Variants in CNTNAP5 observed in about 807,000 individuals in gnomAD.
CNTNAP5 encodes contactin-associated protein-like 5.
Under a neutral mutation model 150.2 loss-of-function variants are expected in CNTNAP5, and 72 were observed. That is an observed-to-expected ratio of 0.48 (90% CI 0.40 to 0.58). The LOEUF is 0.58. Among genes scored for constraint, CNTNAP5 ranks in the 20% least tolerant of loss-of-function variants. CNTNAP5 has a pLI of 0.00. For missense variants in CNTNAP5, 1,636 were observed against 1,626.2 expected, an observed-to-expected ratio of 1.01 and a Z score of -0.10; for synonymous variants, 672 against 619.8, an observed-to-expected ratio of 1.08 and a Z score of -1.25.
intron 13 of CNTNAP5, among the ~76,000 whole-genome samples, chr2:124,677,230 A>C (rs1302610744): frequency 6.6e-6 from 1 of 152,118 alleles, no homozygotes; most frequent in Non-Finnish European, 1.5e-5. Flanking sequence ...ACAGCTCTTA[A>C]AGGTGGCGCG....
At chr2:124,127,120 G>A (rs1683725393) in intron 1 of CNTNAP5, among the ~76,000 whole-genome samples, 1 of 152,172 alleles carries the variant, frequency 6.6e-6, no homozygotes, top group East Asian at 1.9e-4. Context: ...CAGTCAAATT[G>A]TCCCTGTTTG....
Position 124,434,561 on chromosome 2 carries a change from G to C in CNTNAP5, c.607G>C (p.Asp203His). 1 of 1,614,010 alleles carries C rather than the reference G, an allele frequency of 6.2e-7. No individual in the cohort carries two copies. Among genetic ancestry groups the C allele is most frequent in the Non-Finnish European group, 8.5e-7 (1 of 1,179,860 alleles). The change falls in exon 5 of 24, where the codon GAT becomes CAT. Residue 203 changes from aspartate (D) to histidine (H), a missense_variant. Transcript: ENST00000682447. ...TCAGAAGTTGATGAGTACTCTCAAA[G>C]ATGTGATCTCCCTGAAGTTCAAGAG... ...FNQKLMSTLK[D>H]VISLKFKSMQ...
At chr2:124,265,181 G>A (rs1687572862) in intron 3 of CNTNAP5, among the ~76,000 whole-genome samples, 1 of 152,142 alleles carries the variant, frequency 6.6e-6, no homozygotes, top group African/African-American at 2.4e-5. Context: ...CCCCACCTAG[G>A]TGCACAAGGA....
At chr2:124,865,283 A>G (rs1316567885) in intron 19 of CNTNAP5, 23 bp from the exon 20 acceptor site, 1 of 1,542,474 alleles carries the variant, frequency 6.5e-7, no homozygotes, top group Non-Finnish European at 8.8e-7. Flanking sequence ...TTATATTCTA[A>G]TTTCTAATAT....
chr2:124,616,504 A>C (rs1029567804), intron 12 of CNTNAP5, among the ~76,000 whole-genome samples: 1 of 152,296 alleles, frequency 6.6e-6, no homozygotes, highest in East Asian at 1.9e-4. Flanking sequence ...TCTATTCAGC[A>C]GCTAAAATTT....
rs577684300 is a variant in CNTNAP5 at position 124,126,513 on chromosome 2, T to A, written c.83-95192T>A. Among the ~76,000 whole-genome samples the A allele has an allele frequency of 2.3e-3, 354 of 152,302 alleles. 2 individuals carry two copies. The highest frequency in any genetic ancestry group is 8.0e-3 in the African/African-American group (332 of 41,568). On this transcript the variant is annotated intron_variant, in intron 1 of 23. Transcript: ENST00000682447. ...GAGCTGGTACCATTCCTTCTGAAAC[T>A]ATTCCACTCAATAGAAAAAGAGGGA... is the stretch of plus-strand genomic sequence containing the variant.
At chr2:124,790,325 A>G in intron 18 of CNTNAP5, among the ~76,000 whole-genome samples, 184 bp downstream of exon 18, 1 of 152,212 alleles carries the variant, frequency 6.6e-6, no homozygotes, top group Non-Finnish European at 1.5e-5. Context: ...TTCACTGGCA[A>G]TGTAACTGAA....
chr2:124,798,378 A>C, intron 19 of CNTNAP5, 58 bp downstream of exon 19: 2 of 1,232,544 alleles, frequency 1.6e-6, no homozygotes, highest in Middle Eastern at 1.9e-4. Context: ...GGGACGGTGC[A>C]TGCCCTCCAG....
intron 12 of CNTNAP5, among the ~76,000 whole-genome samples, chr2:124,625,585 T>C (rs1677704777): frequency 6.6e-6 from 1 of 152,190 alleles, no homozygotes; most frequent in African/African-American, 2.4e-5. Flanking sequence ...CCCATCCTTA[T>C]GTATCTCCCC....
chr2:124,885,691 A>G (rs923209861), intron 21 of CNTNAP5, among the ~76,000 whole-genome samples: 1 of 151,820 alleles, frequency 6.6e-6, no homozygotes, highest in Non-Finnish European at 1.5e-5. Flanking sequence ...CCTATTTGAG[A>G]TATTTCCTAT....
chr2:124,641,235 C>A (rs555425071), intron 12 of CNTNAP5, among the ~76,000 whole-genome samples: 2 of 151,504 alleles, frequency 1.3e-5, no homozygotes, highest in African/African-American at 4.8e-5. Context: ...TTTATGACAA[C>A]ACTGCACAAT....
intron 19 of CNTNAP5, among the ~76,000 whole-genome samples, chr2:124,843,924 T>C (rs1242197656): frequency 3.3e-5 from 5 of 152,166 alleles, no homozygotes; most frequent in Non-Finnish European, 7.4e-5. Context: ...TTCAGATGTA[T>C]AGATTGTGAA....
intron 1 of CNTNAP5, among the ~76,000 whole-genome samples, chr2:124,120,745 G>T (rs1302783689): frequency 2.6e-5 from 4 of 152,158 alleles, no homozygotes; most frequent in African/African-American, 9.7e-5. Context: ...AGTGTAGTGT[G>T]CTTGAAAGAG....
chr2:124,455,885 C>T (rs903673777), intron 6 of CNTNAP5, among the ~76,000 whole-genome samples: 4 of 152,112 alleles, frequency 2.6e-5, no homozygotes, highest in African/African-American at 4.8e-5. Flanking sequence ...TTAAAACTCT[C>T]GGCAACATTG....
At chr2:124,186,815 T>C (rs1478192832) in intron 1 of CNTNAP5, among the ~76,000 whole-genome samples, 4 of 152,234 alleles carry the variant, frequency 2.6e-5, no homozygotes, top group African/African-American at 9.6e-5. Context: ...ATCATTTCAC[T>C]TCTTTGCCTT....
chr2:124,872,563 A>G (rs1473201776), intron 21 of CNTNAP5, among the ~76,000 whole-genome samples: 3 of 151,710 alleles, frequency 2.0e-5, no homozygotes, highest in African/African-American at 7.3e-5. Flanking sequence ...GGACAATTTT[A>G]ATTTCTCACT....
At chr2:124,232,125 C>A (rs141483257) in intron 2 of CNTNAP5, among the ~76,000 whole-genome samples, 1 of 152,110 alleles carries the variant, frequency 6.6e-6, no homozygotes, top group African/African-American at 2.4e-5. Context: ...TGCAAAGAGA[C>A]AAGAGCTTCT....
intron 1 of CNTNAP5, among the ~76,000 whole-genome samples, chr2:124,069,475 C>T (rs1682246900): frequency 1.3e-5 from 2 of 152,086 alleles, no homozygotes; most frequent in Admixed American, 1.3e-4. Flanking sequence ...GATTGTAGAT[C>T]CCTAGGGACT....
At chr2:124,162,221 G>GT (rs892967896) in intron 1 of CNTNAP5, among the ~76,000 whole-genome samples, 6 of 151,918 alleles carry the variant, frequency 3.9e-5, no homozygotes, top group Admixed American at 6.6e-5. Context: ...TAAATGTTGG[G>GT]TTTTTTTTGT....
Sources: gnomAD v4.1 joint callset for allele counts (sites outside exome capture counted in the v4.1 genomes callset) on GRCh38, gnomAD v4.1.1 for gene constraint, MANE v1.5 for transcripts, NCBI Gene and HGNC (gene_info 2026-07-23, HGNC 2026-07-21) for gene names.